XKR6: variants seen among roughly 807,000 people sequenced by gnomAD.
The protein encoded by XKR6 is XK-related protein 6.
A neutral mutation model predicts 56.7 loss-of-function variants in XKR6; 22 were observed. The observed-to-expected ratio is 0.39, with a 90% CI of 0.28 to 0.55. XKR6 has a LOEUF of 0.55. Among genes scored for constraint, XKR6 ranks in the 20% least tolerant of loss-of-function variants. The pLI is 0.66. For missense variants in XKR6, 852 were observed against 889.0 expected (o/e 0.96, Z 0.53); for synonymous variants, 524 against 387.8 (o/e 1.35, Z -4.13).
intron 1 of XKR6, among the ~76,000 whole-genome samples, chr8:11,158,616 C>G (rs1253280809): frequency 6.6e-6 from 1 of 152,158 alleles, no homozygotes; most frequent in African/African-American, 2.4e-5. Flanking sequence ...TGAAAAGAAT[C>G]CACCTCCATC....
intron 2 of XKR6, among the ~76,000 whole-genome samples, chr8:10,909,680 G>C (rs1040524941): frequency 6.6e-6 from 1 of 152,174 alleles, no homozygotes; most frequent in African/African-American, 2.4e-5. Context: ...CTCCAAACAC[G>C]GGAAAGGGAG....
intron 1 of XKR6, among the ~76,000 whole-genome samples, chr8:11,187,478 A>G (rs1425185110): frequency 6.6e-6 from 1 of 152,144 alleles, no homozygotes; most frequent in African/African-American, 2.4e-5. Context: ...TCCTTCCCAC[A>G]TGACTGGCAA....
chr8:11,010,515 GGCACAATGCCCTA>G (rs1404127763), intron 1 of XKR6, among the ~76,000 whole-genome samples: 7 of 152,180 alleles, frequency 4.6e-5, no homozygotes, highest in African/African-American at 1.7e-4. Context: ...ATGCAACACA[GGCACAATGCCCTA>G]GCACAATGCC....
chr8:11,092,191 G>C (rs1335563579), intron 1 of XKR6, among the ~76,000 whole-genome samples: 2 of 152,042 alleles, frequency 1.3e-5, no homozygotes, highest in African/African-American at 4.8e-5. Context: ...TTGCGATAAG[G>C]GACTGTGAAC....
chr8:11,158,138 C>CG (rs1237760091), intron 1 of XKR6, among the ~76,000 whole-genome samples: 1 of 152,040 alleles, frequency 6.6e-6, no homozygotes, highest in Non-Finnish European at 1.5e-5. Context: ...TGCCAGGCAC[C>CG]GGGACTCAGT....
At chr8:10,900,930 C>A (rs1422132178) in intron 2 of XKR6, among the ~76,000 whole-genome samples, 1 of 144,546 alleles carries the variant, frequency 6.9e-6, no homozygotes, top group Admixed American at 7.2e-5. Context: ...TCATTGCTCA[C>A]TGAAGCCTCA....
intron 2 of XKR6, among the ~76,000 whole-genome samples, chr8:10,912,055 G>C (rs989075761): frequency 6.7e-6 from 1 of 149,710 alleles, no homozygotes. Context: ...TATTTATGCA[G>C]AGAAAGGACG....
At chr8:10,961,466 G>A (rs535305439) in intron 1 of XKR6, among the ~76,000 whole-genome samples, 11 of 152,330 alleles carry the variant, frequency 7.2e-5, no homozygotes, top group South Asian at 6.2e-4. Flanking sequence ...AATAGGAGTC[G>A]GGGTGGAATC....
chr8:11,163,812 G>A (rs963307784), intron 1 of XKR6, among the ~76,000 whole-genome samples: 1 of 152,086 alleles, frequency 6.6e-6, no homozygotes, highest in African/African-American at 2.4e-5. Context: ...AGAGAGTAGA[G>A]TAGCTTGTTC....
intron 1 of XKR6, among the ~76,000 whole-genome samples, chr8:10,954,253 C>T (rs1007917388): frequency 7.2e-5 from 11 of 152,318 alleles, no homozygotes; most frequent in South Asian, 6.2e-4. Context: ...TGTTTTTCAT[C>T]GTGGCTGCAC....
chr8:10,985,606 A>T (rs1448015064), intron 1 of XKR6, among the ~76,000 whole-genome samples: 1 of 151,790 alleles, frequency 6.6e-6, no homozygotes, highest in Admixed American at 6.6e-5. Context: ...TTAAAAAAAA[A>T]AAAAAAGCAA....
intron 1 of XKR6, among the ~76,000 whole-genome samples, chr8:11,073,378 C>A (rs892963544): frequency 2.0e-5 from 3 of 152,242 alleles, no homozygotes; most frequent in Middle Eastern, 3.4e-3. Context: ...ATGCATCCTG[C>A]CTCCAAAGAC....
At chr8:10,952,912 G>A (rs558665617) in intron 1 of XKR6, among the ~76,000 whole-genome samples, 4 of 152,292 alleles carry the variant, frequency 2.6e-5, no homozygotes, top group East Asian at 1.9e-4. Context: ...TGCCAGATCA[G>A]TGGCGGCATT....
intron 1 of XKR6, among the ~76,000 whole-genome samples, chr8:11,085,773 G>C (rs560304356): frequency 1.3e-5 from 2 of 152,250 alleles, no homozygotes; most frequent in African/African-American, 4.8e-5. Context: ...CAACGGTCTG[G>C]TTCCACCAGT....
chr8:10,987,817 C>T (rs1797897125), intron 1 of XKR6, among the ~76,000 whole-genome samples: 1 of 152,202 alleles, frequency 6.6e-6, no homozygotes, highest in Non-Finnish European at 1.5e-5. Flanking sequence ...CCCAAATGGC[C>T]TCCTTTCTGG....
At chr8:10,900,879 G>A (rs1401182629) in intron 2 of XKR6, among the ~76,000 whole-genome samples, 8 of 90,308 alleles carry the variant, frequency 8.9e-5, no homozygotes, top group African/African-American at 3.6e-4. Context: ...TTTTGAGACA[G>A]GGTTTTACCC....
chr8:10,909,199 G>GTC (rs140030182), intron 2 of XKR6, among the ~76,000 whole-genome samples: 21,663 of 150,572 alleles, frequency 0.14, 2,045 homozygotes, highest in Non-Finnish European at 0.22. Flanking sequence ...CCTGAGCTCT[G>GTC]TCTCTCTCTC....
intron 1 of XKR6, among the ~76,000 whole-genome samples, chr8:11,196,851 C>T (rs1420028733): frequency 6.6e-6 from 1 of 152,182 alleles, no homozygotes; most frequent in Admixed American, 6.5e-5. Context: ...GTAAAATAGT[C>T]AACATGAACA....
chr8:11,014,885 T>C (rs1214603487), intron 1 of XKR6, among the ~76,000 whole-genome samples: 1 of 152,216 alleles, frequency 6.6e-6, no homozygotes, highest in African/African-American at 2.4e-5. Flanking sequence ...GGACCCACAC[T>C]GCTGCCCCTC....
Sources: gnomAD v4.1 joint callset for allele counts (sites outside exome capture counted in the v4.1 genomes callset) on GRCh38, gnomAD v4.1.1 for gene constraint, MANE v1.5 for transcripts, NCBI Gene and HGNC (gene_info 2026-07-23, HGNC 2026-07-21) for gene names.